The following DGKB variants were observed in gnomAD, a reference collection of about 807,000 sequenced individuals.
DGKB encodes 90 kDa diacylglycerol kinase.
Under a neutral mutation model 114.3 loss-of-function variants are expected in DGKB, and 67 were observed. That is an observed-to-expected ratio of 0.59 (90% confidence interval 0.48 to 0.72). DGKB has a LOEUF of 0.72. Among genes scored for constraint, DGKB ranks in the 30% least tolerant of loss-of-function variants. The pLI is 0.00. For missense variants in DGKB, 907 were observed against 975.2 expected, an observed-to-expected ratio of 0.93 and a Z score of 0.93; for synonymous variants, 398 against 323.1, an observed-to-expected ratio of 1.23 and a Z score of -2.49.
chr7:14,839,494 T>C (rs4719426), intron 2 of DGKB, among the ~76,000 whole-genome samples: 49,466 of 149,298 alleles, frequency 0.33, 10,044 homozygotes, highest in Non-Finnish European at 0.45. Flanking sequence ...CTCAGCCTCC[T>C]GGGCTCCAGC....
At chr7:14,675,255 C>G (rs1265686114) in intron 12 of DGKB, among the ~76,000 whole-genome samples, 1 of 152,076 alleles carries the variant, frequency 6.6e-6, no homozygotes, top group Non-Finnish European at 1.5e-5. Flanking sequence ...CTTATGCCAA[C>G]GCTGACTACA....
At chr7:14,431,840 A>T (rs868117740) in intron 21 of DGKB, among the ~76,000 whole-genome samples, 142 of 152,230 alleles carry the variant, frequency 9.3e-4, no homozygotes, top group African/African-American at 3.3e-3. Flanking sequence ...ATAGCCCCTC[A>T]TATGCAATAA....
At chr7:14,654,387 A>C (rs1490672294) in intron 13 of DGKB, among the ~76,000 whole-genome samples, 1 of 152,072 alleles carries the variant, frequency 6.6e-6, no homozygotes, top group Non-Finnish European at 1.5e-5. Flanking sequence ...AAAAAATTGA[A>C]GAGGGCATAA....
chr7:14,695,502 T>A (rs1823688171), intron 8 of DGKB, among the ~76,000 whole-genome samples: 2 of 120,344 alleles, frequency 1.7e-5, no homozygotes, highest in African/African-American at 6.8e-5. Flanking sequence ...CTCTTTTTTT[T>A]TTTTTTTTTT....
intron 13 of DGKB, among the ~76,000 whole-genome samples, chr7:14,671,105 A>C (rs1818887562): frequency 6.6e-6 from 1 of 152,202 alleles, no homozygotes; most frequent in Admixed American, 6.5e-5. Context: ...AGCTGAACAT[A>C]AATTAACATG....
intron 2 of DGKB, among the ~76,000 whole-genome samples, chr7:14,823,754 A>G (rs1484192065): frequency 4.6e-5 from 7 of 152,200 alleles, no homozygotes; most frequent in Admixed American, 4.6e-4. Context: ...CTGCTTCTCC[A>G]TATACTGCAG....
rs187722730 is a variant in DGKB, at chr7:14,629,017, T to C, written c.1167+1219A>G. On this transcript the variant is annotated intron_variant, in intron 14 of 25. Transcript: ENST00000402815. ...GACACAAATTATATAACTGAATGCA[T>C]GGGGATGCTTTGGAGATTAACAGAT... is the stretch of plus-strand genomic sequence containing the variant. 4.5e-3 allele frequency among the ~76,000 whole-genome samples: 678 copies of C among 152,194 alleles called. 4 individuals are homozygous for C. The highest frequency in any genetic ancestry group is 6.7e-3 in the Non-Finnish European group (456 of 67,976).
chr7:14,454,733 T>G lies in DGKB; in HGVS notation c.1835+23428A>C, dbSNP rs540666789. Reference sequence around the variant, plus strand: ...AAATCCCAGAGAGTTACTGGACCCCTGCATTATAGCATCAATATCCTGCAT... The same window carrying G: ...AAATCCCAGAGAGTTACTGGACCCCGGCATTATAGCATCAATATCCTGCAT... On this transcript the variant is annotated intron_variant, in intron 21 of 25. Transcript: ENST00000402815. Among the ~76,000 whole-genome samples the G allele has an allele frequency of 2.0e-5, 3 of 152,174 alleles. No homozygotes were observed. In the East Asian group the frequency reaches 5.8e-4, roughly 29 times the overall value.
chr7:14,178,087 G>A lies in DGKB; in HGVS notation c.2187C>T (p.Tyr729=), dbSNP rs1381241137. 27 of 1,611,946 alleles carry A rather than the reference G, an allele frequency of 1.7e-5. No individual in the cohort carries two copies. The highest frequency in any genetic ancestry group is 2.0e-5 in the Non-Finnish European group (24 of 1,179,276). Reference sequence around the variant, plus strand: ...GCCGGCCAGCACTTTTCAGGCCTGTGTATATTTGCCCCATCTCCATGGCTC... The same window carrying A: ...GCCGGCCAGCACTTTTCAGGCCTGTATATATTTGCCCCATCTCCATGGCTC... ...LEGAMEMGQI[Y]TGLKSAGRRL... Residue 729 remains tyrosine (Y), a synonymous_variant, in exon 24 of 26, where the codon TAC becomes TAT. Coordinates refer to ENST00000402815, the MANE Select transcript of DGKB (RefSeq NM_001350709.2).
chr7:14,584,117 T>C (rs913918614), intron 17 of DGKB, among the ~76,000 whole-genome samples: 3 of 152,218 alleles, frequency 2.0e-5, no homozygotes, highest in African/African-American at 4.8e-5. Context: ...ACTTCAAATA[T>C]GTCTAAGAGA....
intron 23 of DGKB, among the ~76,000 whole-genome samples, chr7:14,187,243 C>T (rs1783578777): frequency 1.3e-5 from 2 of 152,158 alleles, no homozygotes. Flanking sequence ...AAGCTAAGAG[C>T]CTGGCCCTGC....
intron 5 of DGKB, among the ~76,000 whole-genome samples, chr7:14,728,614 C>G (rs945282950): frequency 6.6e-6 from 1 of 152,162 alleles, no homozygotes; most frequent in African/African-American, 2.4e-5. Context: ...CAGAAATGAC[C>G]TTTTTGAACT....
intron 25 of DGKB, among the ~76,000 whole-genome samples, chr7:14,164,089 A>T (rs1449252091): frequency 1.3e-5 from 2 of 152,294 alleles, no homozygotes; most frequent in Middle Eastern, 3.4e-3. Context: ...TCTTTAACAG[A>T]TATCTATAGT....
chr7:14,931,163 G>C (rs1455345502), intron 1 of DGKB, among the ~76,000 whole-genome samples: 1 of 149,526 alleles, frequency 6.7e-6, no homozygotes, highest in Admixed American at 6.7e-5. Flanking sequence ...CCAGGCTAGA[G>C]TGCAGTGGTG....
intron 19 of DGKB, 42 bp from the exon 20 acceptor site, chr7:14,574,414 A>G (rs1411007415): frequency 1.9e-6 from 3 of 1,542,144 alleles, no homozygotes; most frequent in East Asian, 2.3e-5. Context: ...AACTCTAACC[A>G]AATAAAAAAG....
At chr7:14,615,227 A>G (rs953981102) in intron 15 of DGKB, among the ~76,000 whole-genome samples, 3 of 152,008 alleles carry the variant, frequency 2.0e-5, no homozygotes, top group African/African-American at 7.2e-5. Context: ...TGAGCAAAGT[A>G]TTAACTCTGA....
chr7:14,772,492 G>A (rs1259285784), intron 2 of DGKB, among the ~76,000 whole-genome samples: 1 of 152,120 alleles, frequency 6.6e-6, no homozygotes, highest in Non-Finnish European at 1.5e-5. Context: ...GAATTTTTAT[G>A]AAATACACTT....
intron 23 of DGKB, among the ~76,000 whole-genome samples, chr7:14,223,594 C>G (rs530981811): frequency 6.6e-6 from 1 of 151,384 alleles, no homozygotes; most frequent in Non-Finnish European, 1.5e-5. Context: ...TATATCAGTG[C>G]CTTTTGTATT....
chr7:14,768,686 G>T (rs1203668917), intron 2 of DGKB, among the ~76,000 whole-genome samples: 2 of 151,962 alleles, frequency 1.3e-5, no homozygotes, highest in African/African-American at 4.8e-5. Flanking sequence ...GTATTAAGCT[G>T]TGAACATTGC....
Sources: gnomAD v4.1 joint callset for allele counts (sites outside exome capture counted in the v4.1 genomes callset) on GRCh38, gnomAD v4.1.1 for gene constraint, MANE v1.5 for transcripts, NCBI Gene and HGNC (gene_info 2026-07-23, HGNC 2026-07-21) for gene names.